DSCAML1: variants seen among roughly 807,000 people sequenced by gnomAD.
DSCAML1 encodes the protein DS cell adhesion molecule like 1.
Under a neutral mutation model 200.5 loss-of-function variants are expected in DSCAML1, and 38 were observed. The observed-to-expected ratio is 0.19, with a 90% CI of 0.15 to 0.25. The LOEUF (loss-of-function observed/expected upper bound fraction) is 0.25. DSCAML1 is among the 10% of genes least tolerant of loss of function. The pLI is 1.00. For synonymous variants in DSCAML1, 1,215 were observed against 1,165.0 expected (o/e 1.04, Z -0.87); for missense variants, 2,223 against 2,858.8 (o/e 0.78, Z 5.07).
intron 1 of DSCAML1, among the ~76,000 whole-genome samples, chr11:117,814,803 G>A (rs574444120): frequency 3.3e-5 from 5 of 152,308 alleles, no homozygotes; most frequent in East Asian, 3.9e-4. Flanking sequence ...AGCCTGGCTC[G>A]TCCCCCTCCT....
At chr11:117,450,709 G>C in intron 19 of DSCAML1, 21 bp from the exon 20 acceptor site, 1 of 1,610,632 alleles carries the variant, frequency 6.2e-7, no homozygotes, top group Non-Finnish European at 8.5e-7. Context: ...AGAAGGCCTG[G>C]TCAGTTGAGA....
In DSCAML1 at chr11:117,599,900, C is replaced by T. The variant is rs575578551; in HGVS notation, c.512-67378G>A. Among the ~76,000 whole-genome samples, 24 of 152,322 alleles carry T rather than the reference C, an allele frequency of 1.6e-4. 1 individual carries two copies. Among genetic ancestry groups the T allele is most frequent in the South Asian group, 1.2e-3 (6 of 4,824 alleles). On this transcript the variant is annotated intron_variant, in intron 3 of 32. Coordinates refer to ENST00000651296, the MANE Select transcript of DSCAML1 (RefSeq NM_020693.4). ...TGACTCCAGGAGTGCACTGGGTAAA[C>T]GGTGCATTCCCAGAGGGAGGTGGAA...
chr11:117,470,790 T>C (rs2048670561), intron 15 of DSCAML1, among the ~76,000 whole-genome samples: 1 of 152,188 alleles, frequency 6.6e-6, no homozygotes, highest in Non-Finnish European at 1.5e-5. Flanking sequence ...ATGGATACTA[T>C]ACAGCACTGA....
intron 22 of DSCAML1, 63 bp from the exon 23 acceptor site, chr11:117,439,492 C>T: frequency 6.4e-7 from 1 of 1,563,898 alleles, no homozygotes; most frequent in Admixed American, 1.8e-5. Flanking sequence ...TGAGGCCCTC[C>T]CCCCGGTGTG....
chr11:117,762,247 T>C (rs541263841), intron 3 of DSCAML1, among the ~76,000 whole-genome samples: 1 of 152,312 alleles, frequency 6.6e-6, no homozygotes, highest in East Asian at 1.9e-4. Flanking sequence ...TTTATTTATC[T>C]CGTTCTGGTC....
rs56741831 is a variant in DSCAML1, at chr11:117,630,658, C to CAAAAAAA, written c.512-98143_512-98137dup. ...TTTGGAAACTGAGGCATAAAGTGGCCAAAAAAAAAAAAAAAAAAAAAAAAA... is the reference window on the plus strand; with the variant it reads ...TTTGGAAACTGAGGCATAAAGTGGCCAAAAAAAAAAAAAAAAAAAAAAAAAAAAAAAA... On this transcript the variant is annotated intron_variant, in intron 3 of 32. Coordinates refer to ENST00000651296, the MANE Select transcript of DSCAML1 (RefSeq NM_020693.4). Among the ~76,000 whole-genome samples the CAAAAAAA allele has an allele frequency of 2.6e-4, 12 of 45,588 alleles. 1 individual carries two copies. Among genetic ancestry groups the CAAAAAAA allele is most frequent in the African/African-American group, 6.9e-4 (9 of 12,972 alleles). 29.9% of individuals were successfully genotyped at this position (45,588 alleles called of 152,430 possible).
chr11:117,461,570 G>A lies in DSCAML1; in HGVS notation c.3292C>T (p.Arg1098Trp). Reference sequence around the variant, plus strand: ...ACGTCAGAAGTGATGGACAGGGCCCGGACGTTCTCAGGGGGCTGGCTGGGC... The same window carrying A: ...ACGTCAGAAGTGATGGACAGGGCCCAGACGTTCTCAGGGGGCTGGCTGGGC... Reference protein sequence around the residue: ...DVPSQPPENVRALSITSDVAV... With the variant: ...DVPSQPPENVWALSITSDVAV... Residue 1098 changes from arginine (R) to tryptophan (W), a missense_variant, in exon 18 of 33, where the codon CGG (arginine) becomes TGG (tryptophan). Coordinates refer to ENST00000651296, the MANE Select transcript of DSCAML1 (RefSeq NM_020693.4). The A allele has an allele frequency of 2.5e-6, 4 of 1,613,812 alleles. No homozygotes were observed. Among genetic ancestry groups the A allele is most frequent in the South Asian group, 1.1e-5 (1 of 91,092 alleles).
chr11:117,780,258 AAG>A lies in DSCAML1; in HGVS notation c.364+233_364+234del, dbSNP rs2055219283. On this transcript the variant is annotated intron_variant, in intron 2 of 32. Transcript: ENST00000651296. This position sits in a 1 kb window ranked among gnomAD's most constrained non-coding sequence, Gnocchi z 4.8. The stretch of plus-strand genomic sequence containing the variant: ...AAAGAAAGAAAGAAAGAAAGAAAGA[AAG>A]AAAGAAAGAAAGAAAGAAAGAAAGA... Among the ~76,000 whole-genome samples the A allele has an allele frequency of 7.4e-5, 7 of 94,368 alleles. No individual in the cohort carries two copies. Among genetic ancestry groups the A allele is most frequent in the African/African-American group, 2.0e-4 (6 of 29,312 alleles). 61.9% of individuals were successfully genotyped at this position (94,368 alleles called of 152,430 possible).
rs1565753846 is a variant in DSCAML1 at position 117,512,760 on chromosome 11, A to AAC, written c.1783+3706_1783+3707insGT. On this transcript the variant is annotated intron_variant, in intron 8 of 32. Coordinates refer to ENST00000651296, the MANE Select transcript of DSCAML1 (RefSeq NM_020693.4). ...CAAGGCATGGGCTCTGTCCTCTAGG[A>AAC]TCACACACACACACACACACACACA... Among the ~76,000 whole-genome samples the AAC allele has an allele frequency of 1.2e-3, 70 of 60,742 alleles. 1 individual carries two copies. Among genetic ancestry groups the AAC allele is most frequent in the African/African-American group, 3.7e-3 (64 of 17,334 alleles). The allele number at this position is 60,742 out of a possible 152,430, so 39.8% of individuals were successfully genotyped here. A position where few individuals can be genotyped will look rare whatever the true frequency, so the allele number is the denominator to read the frequency against.
In DSCAML1 at chr11:117,469,998, G is replaced by C. The variant is rs758746274; in HGVS notation, c.2954-18C>G. 9 of 1,580,604 alleles carry C rather than the reference G, an allele frequency of 5.7e-6. No homozygotes were observed. Among genetic ancestry groups the C allele is most frequent in the South Asian group, 1.2e-5 (1 of 85,612 alleles). ...ATCGGGAGCTGAGCAGGGTAGCGGGGAGGAGAAACATTACAAGTCAAGACT... is the reference window on the plus strand; with the variant it reads ...ATCGGGAGCTGAGCAGGGTAGCGGGCAGGAGAAACATTACAAGTCAAGACT... On this transcript the variant is annotated intron_variant, in intron 15 of 32. Transcript: ENST00000651296. The surrounding 1 kb of genome is among the most constrained non-coding windows in gnomAD (Gnocchi z 4.1).
At chr11:117,458,944 C>A (rs766388068) in intron 18 of DSCAML1, 35 bp from the exon 19 acceptor site, 2 of 1,602,752 alleles carry the variant, frequency 1.2e-6, no homozygotes, top group African/African-American at 2.7e-5. Context: ...GGACCCAGCT[C>A]CATCGGGCTG....
In DSCAML1 at chr11:117,480,683, C is replaced by G. The variant is rs1281281406; in HGVS notation, c.2657-112G>C. On this transcript the variant is annotated intron_variant, in intron 13 of 32. Coordinates refer to ENST00000651296, the MANE Select transcript of DSCAML1 (RefSeq NM_020693.4). The surrounding 1 kb of genome is among the most constrained non-coding windows in gnomAD (Gnocchi z 4.1). ...GGGTCTAGCCAAGGACTCTGGCACC[C>G]TAGGGTTTGAGCAGGGTGGGGGCTG... 26 of 1,317,754 alleles carry G rather than the reference C, an allele frequency of 2.0e-5. No individual in the cohort carries two copies. Among genetic ancestry groups the G allele is most frequent in the Non-Finnish European group, 2.6e-5 (25 of 960,590 alleles). The allele number at this position is 1,317,754 out of a possible 1,614,324, so 81.6% of individuals were successfully genotyped here.
intron 3 of DSCAML1, among the ~76,000 whole-genome samples, chr11:117,586,034 G>A (rs757803496): frequency 4.6e-5 from 7 of 152,180 alleles, no homozygotes; most frequent in East Asian, 3.9e-4. Flanking sequence ...AAGGCATGAG[G>A]GCCCTTGATG....
At chr11:117,526,295 C>G (rs2049978634) in intron 4 of DSCAML1, among the ~76,000 whole-genome samples, 1 of 152,156 alleles carries the variant, frequency 6.6e-6, no homozygotes, top group East Asian at 1.9e-4. Context: ...CCTGGCCTGC[C>G]TACACTGTCC....
At chr11:117,608,572 A>G (rs936645092) in intron 3 of DSCAML1, among the ~76,000 whole-genome samples, 1 of 152,238 alleles carries the variant, frequency 6.6e-6, no homozygotes, top group Non-Finnish European at 1.5e-5. Context: ...CATTCTTCAT[A>G]AACCAGCATG....
chr11:117,516,480 G>A lies in DSCAML1; in HGVS notation c.1770C>T (p.His590=), dbSNP rs138745415. The A allele has an allele frequency of 5.8e-5, 94 of 1,613,220 alleles. No homozygotes were observed. In the East Asian group the frequency reaches 1.1e-3, roughly 18 times the overall value. Residue 590 remains histidine, a synonymous_variant, in exon 8 of 33, where the codon CAC becomes CAT. Coordinates refer to ENST00000651296, the MANE Select transcript of DSCAML1 (RefSeq NM_020693.4). The surrounding 1 kb of genome is among the most constrained non-coding windows in gnomAD (Gnocchi z 5.7). Reference sequence around the variant, plus strand: ...AGGGAGGCCTACCTTTGACGGCTACGTGAACGCTCTGGCTGATGGAGAGCT... The same window carrying A: ...AGGGAGGCCTACCTTTGACGGCTACATGAACGCTCTGGCTGATGGAGAGCT... ...QPQLSISQSV[H]VAVKVPPLIQ...
intron 31 of DSCAML1, 109 bp from the exon 32 acceptor site, chr11:117,431,142 T>A: frequency 1.8e-6 from 2 of 1,111,936 alleles, no homozygotes; most frequent in Admixed American, 4.6e-5. Context: ...AGTCTGGCCA[T>A]GGAGGGCACC....
chr11:117,563,579 T>A (rs1284861929), intron 3 of DSCAML1, among the ~76,000 whole-genome samples: 3 of 152,210 alleles, frequency 2.0e-5, no homozygotes, highest in Non-Finnish European at 4.4e-5. Flanking sequence ...CCCCATGTGG[T>A]GTGTCTATCA....
intron 3 of DSCAML1, among the ~76,000 whole-genome samples, chr11:117,741,390 A>G (rs184514011): frequency 3.3e-5 from 5 of 152,380 alleles, no homozygotes; most frequent in Non-Finnish European, 7.3e-5. Flanking sequence ...GAGGTTAAAG[A>G]CAATGGATTG....
Sources: gnomAD v4.1 joint callset for allele counts (sites outside exome capture counted in the v4.1 genomes callset) on GRCh38, gnomAD v4.1.1 for gene constraint, Gnocchi (gnomAD v3.1) non-coding constraint, MANE v1.5 for transcripts, NCBI Gene and HGNC (gene_info 2026-07-23, HGNC 2026-07-21) for gene names.